The following REPS1 variants were observed in gnomAD, a reference collection of about 807,000 sequenced individuals.
REPS1 encodes ralBP1-associated Eps domain-containing protein 1.
REPS1 carries 39 observed loss-of-function variants against 100.9 expected under a neutral mutation model. The observed-to-expected ratio is 0.39, with a 90% CI of 0.30 to 0.50. The LOEUF (loss-of-function observed/expected upper bound fraction) is 0.50, where lower values mean the gene tolerates loss of function less well. REPS1 is among the 20% of genes least tolerant of loss of function. The pLI is 0.86. For missense variants in REPS1, 821 were observed against 968.5 expected (o/e 0.85, Z 2.02); for synonymous variants, 324 against 340.3 (o/e 0.95, Z 0.53).
chr6:138,958,808 G>C (rs1783560813), intron 1 of REPS1, among the ~76,000 whole-genome samples: 1 of 152,070 alleles, frequency 6.6e-6, no homozygotes, highest in South Asian at 2.1e-4. Flanking sequence ...GTCTCTAGTT[G>C]TTGCCCTTTT....
intron 10 of REPS1, among the ~76,000 whole-genome samples, chr6:138,921,446 G>A (rs1432730596): frequency 6.6e-6 from 1 of 151,712 alleles, no homozygotes; most frequent in East Asian, 1.9e-4. Flanking sequence ...AATCACTTGA[G>A]CCCAGAGAAT....
intron 2 of REPS1, among the ~76,000 whole-genome samples, chr6:138,945,952 G>A (rs73553127): frequency 4.5e-4 from 69 of 152,200 alleles, no homozygotes; most frequent in African/African-American, 1.5e-3. Context: ...AAATGTCTAC[G>A]TATGTTTGGC....
intron 1 of REPS1, among the ~76,000 whole-genome samples, chr6:138,985,481 G>A (rs1298653781): frequency 6.6e-6 from 1 of 152,194 alleles, no homozygotes; most frequent in African/African-American, 2.4e-5. Flanking sequence ...AGAAAGCAAT[G>A]GAGGACTGTG....
chr6:138,922,647 G>A (rs191047464), intron 10 of REPS1, among the ~76,000 whole-genome samples: 170 of 152,286 alleles, frequency 1.1e-3, no homozygotes, highest in African/African-American at 3.8e-3. Context: ...TGGCTTAACA[G>A]CAATAGACCA....
intron 2 of REPS1, 144 bp from the exon 3 acceptor site, chr6:138,945,841 T>C (rs542902656): frequency 4.8e-6 from 3 of 624,332 alleles, no homozygotes; most frequent in East Asian, 3.1e-5. Flanking sequence ...ACCACAAAAT[T>C]TGGACCACCA....
At chr6:138,975,493 CTG>C (rs1306375761) in intron 1 of REPS1, among the ~76,000 whole-genome samples, 3 of 152,146 alleles carry the variant, frequency 2.0e-5, no homozygotes, top group Non-Finnish European at 4.4e-5. Context: ...TCCACAAATT[CTG>C]TGTTTTCTTC....
intron 8 of REPS1, among the ~76,000 whole-genome samples, chr6:138,932,465 C>CCT (rs1202988883): frequency 6.6e-6 from 1 of 150,986 alleles, no homozygotes; most frequent in African/African-American, 2.4e-5. Context: ...CCTTACCCCC[C>CCT]CCCACATACA....
intron 1 of REPS1, among the ~76,000 whole-genome samples, chr6:138,971,922 C>T (rs1784366312): frequency 6.6e-6 from 1 of 152,154 alleles, no homozygotes. Context: ...ATGGCTTGCC[C>T]TAAAAAGCTG....
At chr6:138,911,128 G>C in intron 17 of REPS1, 148 bp downstream of exon 17, 1 of 582,398 alleles carries the variant, frequency 1.7e-6, no homozygotes. Context: ...CCATTAAATA[G>C]GCAGACTTTG....
Position 138,987,699 on chromosome 6 carries a change from C to T in REPS1, c.-17G>A. On this transcript the variant is annotated 5_prime_UTR_variant, in exon 1 of 20. In the 5' UTR this introduces an upstream ATG that the reference lacks. Coordinates refer to ENST00000450536, the MANE Select transcript of REPS1 (RefSeq NM_001286611.2). ...GCCTTCCATCTTCGCCTCCGGCTCA[C>T]GGCCGCCCCGCCCCGCATGCACTAC... 2.6e-6 allele frequency: 4 copies of T among 1,532,392 alleles called. No individual in the cohort carries two copies. Among genetic ancestry groups the T allele is most frequent in the African/African-American group, 1.4e-5 (1 of 71,614 alleles). 94.9% of individuals were successfully genotyped at this position (1,532,392 alleles called of 1,614,324 possible).
At chr6:138,955,790 G>A (rs1783347331) in intron 1 of REPS1, among the ~76,000 whole-genome samples, 1 of 152,120 alleles carries the variant, frequency 6.6e-6, no homozygotes, top group Non-Finnish European at 1.5e-5. Flanking sequence ...CATTCATACA[G>A]TATTTGAGCA....
At chr6:138,952,308 A>C (rs1483282613) in intron 1 of REPS1, among the ~76,000 whole-genome samples, 9 of 152,178 alleles carry the variant, frequency 5.9e-5, no homozygotes, top group African/African-American at 1.9e-4. Context: ...GAAAAATCTA[A>C]AGACTCTACC....
chr6:138,925,550 A>G (rs560603929), intron 10 of REPS1, among the ~76,000 whole-genome samples: 14 of 152,102 alleles, frequency 9.2e-5, no homozygotes, highest in Admixed American at 2.6e-4. Flanking sequence ...CATTTTCTCC[A>G]TATCTTTCTA....
At chr6:138,924,158 TG>T (rs1180126932) in intron 10 of REPS1, among the ~76,000 whole-genome samples, 1 of 152,174 alleles carries the variant, frequency 6.6e-6, no homozygotes, top group Non-Finnish European at 1.5e-5. Flanking sequence ...GTAAGAATAC[TG>T]GTTGGGAAAC....
rs1162272948 is a variant in REPS1, at chr6:138,929,962, G to T, written c.1257+15C>A. 1.2e-6 allele frequency: 2 copies of T among 1,610,120 alleles called. No individual in the cohort carries two copies. The highest frequency in any genetic ancestry group is 4.5e-5 in the East Asian group (2 of 44,808). On this transcript the variant is annotated intron_variant, in intron 9 of 19. Coordinates refer to ENST00000450536, the MANE Select transcript of REPS1 (RefSeq NM_001286611.2). The stretch of plus-strand genomic sequence containing the variant: ...GAGTTAACTTTTAATGAAAGAAAAG[G>T]AAAGCTTTGCTAACCTCACTGCTCT...
At chr6:138,980,230 C>T (rs977532281) in intron 1 of REPS1, among the ~76,000 whole-genome samples, 5 of 152,198 alleles carry the variant, frequency 3.3e-5, no homozygotes, top group Admixed American at 3.3e-4. Flanking sequence ...TAAGCCATTG[C>T]TGTCTGCTGC....
Position 138,908,790 on chromosome 6 carries a change from T to C in REPS1, c.2094A>G (p.Pro698=). 1 of 1,613,880 alleles carries C rather than the reference T, an allele frequency of 6.2e-7. No individual in the cohort carries two copies. The highest frequency in any genetic ancestry group is 8.5e-7 in the Non-Finnish European group (1 of 1,179,960). The change falls in exon 18 of 20, where the codon CCA becomes CCG. Residue 698 remains proline (P), a synonymous_variant. Transcript: ENST00000450536. ...ATCTTCTTCGAACAGGTTTAGGTGG[T>C]GGAGCAAGTGGTGTTGTGCCTTTGC... ...NVSKGTTPLA[P]PPKPVRRRLK...
At chr6:138,956,304 T>C (rs552336195) in intron 1 of REPS1, among the ~76,000 whole-genome samples, 9 of 152,046 alleles carry the variant, frequency 5.9e-5, no homozygotes, top group African/African-American at 1.2e-4. Flanking sequence ...GTAGAAGAAA[T>C]GAGTGCCAAG....
At chr6:138,925,685 G>A (rs564916810) in intron 10 of REPS1, among the ~76,000 whole-genome samples, 1 of 151,014 alleles carries the variant, frequency 6.6e-6, no homozygotes, top group African/African-American at 2.4e-5. Flanking sequence ...GACAGAGAGA[G>A]AAAGAAAAAG....
Sources: gnomAD v4.1 joint callset for allele counts (sites outside exome capture counted in the v4.1 genomes callset) on GRCh38, gnomAD v4.1.1 for gene constraint, MANE v1.5 for transcripts, NCBI Gene and HGNC (gene_info 2026-07-23, HGNC 2026-07-21) for gene names.